The following MYO3B variants were observed in gnomAD, a reference collection of about 807,000 sequenced individuals.
MYO3B encodes the protein myosin IIIB, also known as myosin-IIIb.
In MYO3B, 156 loss-of-function variants were observed where a neutral mutation model predicts 174.6. The observed-to-expected ratio is 0.89, with a 90% CI of 0.78 to 1.02. The LOEUF is 1.02. Ranked by LOEUF, MYO3B falls within the 50% of genes least tolerant of loss-of-function variation. The pLI, the probability that MYO3B is intolerant of heterozygous loss-of-function variation, is 0.00. For missense variants in MYO3B, 1,632 were observed against 1,639.4 expected (o/e 1.00, Z 0.08); for synonymous variants, 563 against 569.1 (o/e 0.99, Z 0.15).
At chr2:170,539,896 C>T (rs1295648393) in intron 30 of MYO3B, among the ~76,000 whole-genome samples, 2 of 152,024 alleles carry the variant, frequency 1.3e-5, no homozygotes, top group Admixed American at 1.3e-4. Flanking sequence ...TGCTAGGATA[C>T]CAGGTGTGAG....
intron 28 of MYO3B, among the ~76,000 whole-genome samples, chr2:170,507,393 C>CTTTCTT (rs575552760): frequency 6.6e-6 from 1 of 151,530 alleles, no homozygotes; most frequent in African/African-American, 2.4e-5. Flanking sequence ...GGCTTTCTTT[C>CTTTCTT]TTTCTTTTTC....
chr2:170,498,556 A>C, intron 25 of MYO3B, 36 bp from the exon 26 acceptor site: 1 of 1,444,524 alleles, frequency 6.9e-7, no homozygotes, highest in South Asian at 1.2e-5. Flanking sequence ...TCAAATGGTG[A>C]CTGAAAAGGC....
In MYO3B at chr2:170,392,368, C is replaced by T. The variant is rs201753916; in HGVS notation, c.1677-13C>T. The T allele has an allele frequency of 6.4e-7, 1 of 1,562,014 alleles. No individual in the cohort carries two copies. The highest frequency in any genetic ancestry group is 8.7e-7 in the Non-Finnish European group (1 of 1,143,824). The stretch of plus-strand genomic sequence containing the variant: ...AGTGCTCATTCTGTTTGGTCATGCT[C>T]CACTTCATTTAGGTACATAGCTGAT... On this transcript the variant is annotated splice_polypyrimidine_tract_variant and intron_variant, in intron 15 of 34. Coordinates refer to ENST00000408978, the MANE Select transcript of MYO3B (RefSeq NM_138995.5).
chr2:170,509,658 AC>A (rs1262951751), intron 28 of MYO3B, among the ~76,000 whole-genome samples: 1 of 152,206 alleles, frequency 6.6e-6, no homozygotes, highest in African/African-American at 2.4e-5. Context: ...AATTGTTAAG[AC>A]TTAGGTGTGC....
chr2:170,234,932 A>G (rs2093054219), intron 6 of MYO3B, among the ~76,000 whole-genome samples: 1 of 152,122 alleles, frequency 6.6e-6, no homozygotes, highest in Non-Finnish European at 1.5e-5. Flanking sequence ...CTCATAATCT[A>G]TCCTCTGCAC....
chr2:170,362,192 C>A (rs917772265), intron 8 of MYO3B, among the ~76,000 whole-genome samples: 17 of 152,320 alleles, frequency 1.1e-4, no homozygotes, highest in Admixed American at 6.5e-5. Context: ...TGGCTTCAAA[C>A]CACCACCCTA....
rs1021332195 is a variant in MYO3B at position 170,553,384 on chromosome 2, A to G, written c.3733+9396A>G. ...CATCAGTGTGGCCTGGATATGAGACATGGAGTCAAAGGATATTATTTTGAA... is the reference window on the plus strand; with the variant it reads ...CATCAGTGTGGCCTGGATATGAGACGTGGAGTCAAAGGATATTATTTTGAA... On this transcript the variant is annotated intron_variant, in intron 32 of 34. Transcript: ENST00000408978. 3.3e-5 allele frequency among the ~76,000 whole-genome samples: 5 copies of G among 152,226 alleles called. No homozygotes were observed. In the East Asian group the frequency reaches 5.8e-4, roughly 18 times the overall value.
intron 32 of MYO3B, among the ~76,000 whole-genome samples, chr2:170,590,701 T>C (rs892017315): frequency 2.0e-5 from 3 of 151,982 alleles, no homozygotes; most frequent in African/African-American, 7.3e-5. Context: ...AAGAAAAATC[T>C]GGCTGAATTT....
rs573217952 is a variant in MYO3B, at chr2:170,464,625, C to T, written c.2808+1180C>T. Among the ~76,000 whole-genome samples, 25 of 152,164 alleles carry T rather than the reference C, an allele frequency of 1.6e-4. No individual in the cohort carries two copies. The East Asian group carries it at 2.5e-3, about 15-fold the overall frequency. The stretch of plus-strand genomic sequence containing the variant: ...TTCAGAGGCAGGCTAGAATTGGGCT[C>T]GGTATGAATTGCAGGGGCCCCAGAC... On this transcript the variant is annotated intron_variant, in intron 24 of 34. Transcript: ENST00000408978.
chr2:170,485,446 G>A (rs1028829299), intron 25 of MYO3B, among the ~76,000 whole-genome samples: 1 of 151,508 alleles, frequency 6.6e-6, no homozygotes, highest in African/African-American at 2.4e-5. Context: ...GAGAGAGAGC[G>A]AGTGAGTTAG....
rs892880812 is a variant in MYO3B, at chr2:170,325,739, G to A, written c.750-9646G>A. 4.6e-5 allele frequency among the ~76,000 whole-genome samples: 7 copies of A among 152,106 alleles called. No individual in the cohort carries two copies. In the South Asian group the frequency reaches 8.3e-4, roughly 18 times the overall value. Reference sequence around the variant, plus strand: ...AGCGTAGTTAAGCTCAGGGGCAAAGGCTGTGTTCCTGACTGAGGTACCTGT... The same window carrying A: ...AGCGTAGTTAAGCTCAGGGGCAAAGACTGTGTTCCTGACTGAGGTACCTGT... On this transcript the variant is annotated intron_variant, in intron 7 of 34. Transcript: ENST00000408978.
chr2:170,181,623 A>G (rs1422573421), intron 1 of MYO3B, among the ~76,000 whole-genome samples: 1 of 151,922 alleles, frequency 6.6e-6, no homozygotes, highest in Non-Finnish European at 1.5e-5. Context: ...CTGTTGAGAG[A>G]TTTTTGTTGT....
chr2:170,481,045 C>G (rs145758217), intron 25 of MYO3B, among the ~76,000 whole-genome samples: 34 of 152,320 alleles, frequency 2.2e-4, no homozygotes, highest in African/African-American at 7.9e-4. Context: ...GAGAAATCAG[C>G]AGCACAGAAG....
intron 25 of MYO3B, among the ~76,000 whole-genome samples, chr2:170,486,412 C>A (rs1686063374): frequency 6.8e-6 from 1 of 146,930 alleles, no homozygotes; most frequent in African/African-American, 2.5e-5. Flanking sequence ...TCAAGCAATT[C>A]TCTTGCCTCA....
intron 22 of MYO3B, among the ~76,000 whole-genome samples, chr2:170,430,010 G>GTT (rs67405522): frequency 2.7e-4 from 39 of 142,194 alleles, no homozygotes; most frequent in South Asian, 4.5e-4. Flanking sequence ...TTATACACAG[G>GTT]TTTTTTTTTT....
Position 170,501,663 on chromosome 2 carries a change from C to G in MYO3B, c.3290-122C>G, listed in dbSNP as rs982264229. ...ATCACATACCTCTGCTTATTTTGTT[C>G]AGTGAGAAAGCAGGAGGGAGGATGA... On this transcript the variant is annotated intron_variant, in intron 27 of 34. Coordinates refer to ENST00000408978, the MANE Select transcript of MYO3B (RefSeq NM_138995.5). 6.3e-6 allele frequency: 4 copies of G among 636,778 alleles called. No individual in the cohort carries two copies. The African/African-American group carries it at 7.4e-5, about 12-fold the overall frequency. The allele number at this position is 636,778 out of a possible 1,614,324, so 39.4% of individuals were successfully genotyped here.
At chr2:170,358,026 C>A (rs1402962013) in intron 8 of MYO3B, among the ~76,000 whole-genome samples, 1 of 151,952 alleles carries the variant, frequency 6.6e-6, no homozygotes, top group Non-Finnish European at 1.5e-5. Flanking sequence ...GTGGGGAGCG[C>A]CTGTAATCCC....
intron 28 of MYO3B, among the ~76,000 whole-genome samples, chr2:170,509,272 G>C (rs1687815333): frequency 6.6e-6 from 1 of 152,160 alleles, no homozygotes; most frequent in African/African-American, 2.4e-5. Context: ...AGGGAGGATT[G>C]CATGAACCCA....
At chr2:170,580,188 A>C (rs1351031105) in intron 32 of MYO3B, among the ~76,000 whole-genome samples, 1 of 151,734 alleles carries the variant, frequency 6.6e-6, no homozygotes, top group Admixed American at 6.6e-5. Context: ...GGCATGTCTA[A>C]TAGTTAATAA....
Sources: gnomAD v4.1 joint callset for allele counts (sites outside exome capture counted in the v4.1 genomes callset) on GRCh38, gnomAD v4.1.1 for gene constraint, MANE v1.5 for transcripts, NCBI Gene and HGNC (gene_info 2026-07-23, HGNC 2026-07-21) for gene names.